Variants in PHACTR2 observed in about 807,000 individuals in gnomAD.
PHACTR2 encodes chromosome 6 open reading frame 56.
A neutral mutation model predicts 76.0 loss-of-function variants in PHACTR2; 30 were observed. The observed-to-expected ratio is 0.39, with a 90% CI of 0.30 to 0.54. The LOEUF is 0.54. Ranked by LOEUF, PHACTR2 falls within the 20% of genes least tolerant of loss-of-function variation. PHACTR2 has a pLI of 0.61. For synonymous variants in PHACTR2, 292 were observed against 292.5 expected (o/e 1.00, Z 0.02); for missense variants, 696 against 781.1 (o/e 0.89, Z 1.30).
Position 143,754,409 on chromosome 6 carries a change from C to T in PHACTR2, c.454+497C>T, listed in dbSNP as rs77085929. On this transcript the variant is annotated intron_variant, in intron 4 of 12. Coordinates refer to ENST00000440869, the MANE Select transcript of PHACTR2 (RefSeq NM_001100164.2). This position sits in a 1 kb window ranked among gnomAD's most constrained non-coding sequence, Gnocchi z 6.2. ...CCAGCATCATAGGTTCCAGACGTTT[C>T]TGAGAGAGACCCAGGAATAGCTCCC... 6.6e-6 allele frequency among the ~76,000 whole-genome samples: 1 copy of T among 152,282 alleles called. No individual in the cohort carries two copies. Among genetic ancestry groups the T allele is most frequent in the East Asian group, 1.9e-4 (1 of 5,194 alleles).
At position 143,794,746 on chromosome 6, in the gene PHACTR2, A is replaced by T. The variant is rs1302316224; in HGVS notation, c.1845+5836A>T. 1.3e-5 allele frequency among the ~76,000 whole-genome samples: 2 copies of T among 152,170 alleles called. No individual in the cohort carries two copies. Among genetic ancestry groups the T allele is most frequent in the Non-Finnish European group, 2.9e-5 (2 of 68,026 alleles). ...GAGACAGAAGTTGCAGTGAGCTAAG[A>T]TTATGCCGCCGCACTCCAGCCTGGG... is the stretch of plus-strand genomic sequence containing the variant. On this transcript the variant is annotated intron_variant, in intron 11 of 12. Transcript: ENST00000440869. The surrounding 1 kb of genome is among the most constrained non-coding windows in gnomAD (Gnocchi z 4.1).
Position 143,602,580 on chromosome 6 carries a change from T to G in PHACTR2, c.217+65373T>G, listed in dbSNP as rs2128436028. ...CATTGCAGAAACCTCACCCACAGCC[T>G]TCAGCTTTTGGCTCCCTGCTCATTC... is the stretch of plus-strand genomic sequence containing the variant. On this transcript the variant is annotated intron_variant, in intron 1 of 11. Transcript: ENST00000367584. This position sits in a 1 kb window ranked among gnomAD's most constrained non-coding sequence, Gnocchi z 6.1. Among the ~76,000 whole-genome samples the G allele has an allele frequency of 6.6e-6, 1 of 152,356 alleles. No homozygotes were observed. The highest frequency in any genetic ancestry group is 2.4e-5 in the African/African-American group (1 of 41,580).
rs776969170 is a variant in PHACTR2 at position 143,736,554 on chromosome 6, A to ATTTTTTTTTTTTTT, written c.215-12406_215-12393dup. On this transcript the variant is annotated intron_variant, in intron 2 of 12. Coordinates refer to ENST00000440869, the MANE Select transcript of PHACTR2 (RefSeq NM_001100164.2). ...TGTAATTTATGCCAAACCCTTTACA[A>ATTTTTTTTTTTTTT]TTTTTTTTTTTTTTTTTTTTTTTTT... Among the ~76,000 whole-genome samples the ATTTTTTTTTTTTTT allele has an allele frequency of 3.5e-5, 2 of 56,990 alleles. 1 individual carries two copies. The highest frequency in any genetic ancestry group is 1.3e-4 in the African/African-American group (2 of 15,358). 37.4% of individuals were successfully genotyped at this position (56,990 alleles called of 152,430 possible).
intron 1 of PHACTR2, among the ~76,000 whole-genome samples, chr6:143,574,287 T>C (rs1398086254): frequency 6.6e-6 from 1 of 152,214 alleles, no homozygotes; most frequent in African/African-American, 2.4e-5. Flanking sequence ...TCTTAGATAA[T>C]GTAACATAAT....
At chr6:143,564,196 CAT>C (rs59017997) in intron 1 of PHACTR2, among the ~76,000 whole-genome samples, 2,023 of 40,236 alleles carry the variant, frequency 0.05, 41 homozygotes, top group Middle Eastern at 0.12. Flanking sequence ...TGTGTGTGTG[CAT>C]ATATATATAT....
intron 1 of PHACTR2, among the ~76,000 whole-genome samples, chr6:143,620,661 G>T (rs547611192): frequency 2.6e-5 from 4 of 151,830 alleles, no homozygotes; most frequent in Admixed American, 2.6e-4. Context: ...AAAAAATGTT[G>T]CCCTGACATA....
At position 143,752,198 on chromosome 6, in the gene PHACTR2, G is replaced by T. The variant is rs949665051; in HGVS notation, c.296-1556G>T. On this transcript the variant is annotated intron_variant, in intron 3 of 12. Transcript: ENST00000440869. ...AATAGAATTAAATTGTCATTGACAT[G>T]ACTTCAATATACTTTTATTATCAAC... Among the ~76,000 whole-genome samples the T allele has an allele frequency of 6.6e-5, 10 of 152,088 alleles. No homozygotes were observed. In the South Asian group the frequency reaches 2.1e-3, roughly 32 times the overall value.
chr6:143,609,627 AC>A (rs1775946269), intron 1 of PHACTR2, among the ~76,000 whole-genome samples: 1 of 152,260 alleles, frequency 6.6e-6, no homozygotes, highest in Admixed American at 6.5e-5. Context: ...TTCTCTAATT[AC>A]AGTGGTAGAG....
chr6:143,667,916 T>G (rs1215408624), intron 1 of PHACTR2, among the ~76,000 whole-genome samples: 10 of 152,298 alleles, frequency 6.6e-5, no homozygotes, highest in Non-Finnish European at 1.3e-4. Context: ...TCCAATACAA[T>G]GTTGAATAGG....
intron 6 of PHACTR2, among the ~76,000 whole-genome samples, chr6:143,766,279 A>C (rs1244404026): frequency 5.3e-5 from 8 of 152,084 alleles, no homozygotes; most frequent in African/African-American, 1.9e-4. Flanking sequence ...ACCCAGCTTA[A>C]ATGTTATGTC....
rs1778999755 is a variant in PHACTR2, at chr6:143,743,976, CCAG to C, written c.215-5007_215-5005del. Among the ~76,000 whole-genome samples, 1 of 152,198 alleles carries C rather than the reference CCAG, an allele frequency of 6.6e-6. No individual in the cohort carries two copies. The highest frequency in any genetic ancestry group is 2.4e-5 in the African/African-American group (1 of 41,436). ...CAGAAAAAAGCCAGCGGCATATGCTCCAGCCTCTTTTCCTGAGTGCAGCTCCAC... is the reference window on the plus strand; with the variant it reads ...CAGAAAAAAGCCAGCGGCATATGCTCCCTCTTTTCCTGAGTGCAGCTCCAC... On this transcript the variant is annotated intron_variant, in intron 2 of 12. Coordinates refer to ENST00000440869, the MANE Select transcript of PHACTR2 (RefSeq NM_001100164.2). The surrounding 1 kb of genome is among the most constrained non-coding windows in gnomAD (Gnocchi z 5.0).
chr6:143,557,241 T>C lies in PHACTR2; in HGVS notation c.217+20034T>C, dbSNP rs778050793. On this transcript the variant is annotated intron_variant, in intron 1 of 11. Coordinates refer to the PHACTR2 transcript ENST00000367584. This position sits in a 1 kb window ranked among gnomAD's most constrained non-coding sequence, Gnocchi z 5.5. ...AGAGAAGTTTAAAAGGATTCTCATC[T>C]CTCAACCATATTTCATCCTCATAAC... Among the ~76,000 whole-genome samples, 1 of 152,222 alleles carries C rather than the reference T, an allele frequency of 6.6e-6. No homozygotes were observed. The highest frequency in any genetic ancestry group is 1.5e-5 in the Non-Finnish European group (1 of 68,036).
intron 6 of PHACTR2, among the ~76,000 whole-genome samples, chr6:143,768,194 TAATACTTCCAGCACACAGCA>T (rs1239413860): frequency 6.6e-6 from 1 of 152,216 alleles, no homozygotes; most frequent in African/African-American, 2.4e-5. Flanking sequence ...GGAGCATTCT[TAATACTTCCAGCACACAGCA>T]AATGTCTTCA....
In PHACTR2 at chr6:143,596,249, C is replaced by T. The variant is rs1465065037; in HGVS notation, c.217+59042C>T. 3.9e-5 allele frequency among the ~76,000 whole-genome samples: 6 copies of T among 152,090 alleles called. No individual in the cohort carries two copies. The highest frequency in any genetic ancestry group is 3.9e-4 in the East Asian group (2 of 5,190). ...GCCAGATCTGTGAGTCCCTTTATTC[C>T]TCTAGGTCTTCATTTGGTGTCTTTT... On this transcript the variant is annotated intron_variant, in intron 1 of 11. Coordinates refer to the PHACTR2 transcript ENST00000367584. This position sits in a 1 kb window ranked among gnomAD's most constrained non-coding sequence, Gnocchi z 4.6.
In PHACTR2 at chr6:143,583,166, A is replaced by G. The variant is rs187496526; in HGVS notation, c.217+45959A>G. 4.9e-4 allele frequency among the ~76,000 whole-genome samples: 74 copies of G among 152,340 alleles called. No individual in the cohort carries two copies. Among genetic ancestry groups the G allele is most frequent in the Non-Finnish European group, 9.6e-4 (65 of 68,020 alleles). Reference sequence around the variant, plus strand: ...CTTGCCATAATAGCCAGGATTTGGTATCTGTGAATTCACCATGGCCACGGT... The same window carrying G: ...CTTGCCATAATAGCCAGGATTTGGTGTCTGTGAATTCACCATGGCCACGGT... On this transcript the variant is annotated intron_variant, in intron 1 of 11. Transcript: ENST00000367584. This position sits in a 1 kb window ranked among gnomAD's most constrained non-coding sequence, Gnocchi z 4.0.
Position 143,679,877 on chromosome 6 carries a change from A to C in PHACTR2, c.46+1668A>C, listed in dbSNP as rs926309064. Among the ~76,000 whole-genome samples, 2 of 152,210 alleles carry C rather than the reference A, an allele frequency of 1.3e-5. No homozygotes were observed. The highest frequency in any genetic ancestry group is 2.4e-5 in the African/African-American group (1 of 41,458). ...AACAAAAATTTATGCTTGATCATGA[A>C]AGATAATTCAGAGAAATATCTCACG... On this transcript the variant is annotated intron_variant, in intron 1 of 12. Coordinates refer to ENST00000440869, the MANE Select transcript of PHACTR2 (RefSeq NM_001100164.2). The surrounding 1 kb of genome is among the most constrained non-coding windows in gnomAD (Gnocchi z 4.6).
intron 1 of PHACTR2, among the ~76,000 whole-genome samples, chr6:143,703,959 A>G (rs1012802640): frequency 2.6e-5 from 4 of 152,188 alleles, no homozygotes; most frequent in African/African-American, 9.6e-5. Flanking sequence ...TTTTTCCCAT[A>G]AATATGTATC....
upstream of PHACTR2, among the ~76,000 whole-genome samples, chr6:143,677,657 G>A (rs1325375917): frequency 6.6e-6 from 1 of 152,234 alleles, no homozygotes; most frequent in Non-Finnish European, 1.5e-5. Context: ...TGTAAGGAAG[G>A]AAATAACTTT....
intron 11 of PHACTR2, among the ~76,000 whole-genome samples, chr6:143,805,001 T>C (rs1196876539): frequency 6.6e-6 from 1 of 152,118 alleles, no homozygotes; most frequent in Non-Finnish European, 1.5e-5. Flanking sequence ...GATAAGAAAA[T>C]TGGGGTTTGG....
Sources: allele counts gnomAD v4.1 joint callset (sites outside exome capture counted in the v4.1 genomes callset), GRCh38; gene constraint gnomAD v4.1.1; non-coding constraint Gnocchi (gnomAD v3.1); transcripts MANE v1.5; gene names NCBI Gene and HGNC (gene_info 2026-07-23, HGNC 2026-07-21).